Variants in FNIP1 observed in about 807,000 individuals in gnomAD.
FNIP1 encodes folliculin interacting protein 1.
FNIP1 carries 40 observed loss-of-function variants against 124.5 expected under a neutral mutation model. The observed-to-expected ratio is 0.32, with a 90% confidence interval of 0.25 to 0.42. The LOEUF is 0.42. Ranked by LOEUF, FNIP1 falls within the 10% of genes least tolerant of loss-of-function variation. The pLI, the probability that FNIP1 is intolerant of heterozygous loss-of-function variation, is 1.00. For synonymous variants in FNIP1, 472 were observed against 470.6 expected (o/e 1.00, Z -0.04); for missense variants, 1,176 against 1,403.7 (o/e 0.84, Z 2.59).
chr5:131,739,259 A>G (rs1279284640), intron 2 of FNIP1, among the ~76,000 whole-genome samples: 1 of 152,174 alleles, frequency 6.6e-6, no homozygotes, highest in Non-Finnish European at 1.5e-5. Flanking sequence ...AATCCAAATT[A>G]AGGCTGGGCA....
intron 15 of FNIP1, among the ~76,000 whole-genome samples, chr5:131,670,007 G>T (rs1480391951): frequency 1.3e-5 from 2 of 151,494 alleles, no homozygotes; most frequent in Non-Finnish European, 2.9e-5. Flanking sequence ...CTGATAACAT[G>T]AGCCTGTGTG....
rs200251861 is a variant in FNIP1 at position 131,730,968 on chromosome 5, G to T, written c.290C>A (p.Ser97Tyr). 9.3e-6 allele frequency: 15 copies of T among 1,612,368 alleles called. No individual in the cohort carries two copies. The highest frequency in any genetic ancestry group is 1.7e-6 in the Non-Finnish European group (2 of 1,178,746). ...CCQLKPGGDS[S>Y]SSLDSSVTSS... ...AGTCACAGAACTATCTAAAGAGGAA[G>T]AACTGTCTCCTCCAGGTTTCAGTTG... Residue 97 changes from serine to tyrosine, a missense_variant, in exon 3 of 18, where the codon TCT becomes TAT. Ser to Tyr is a moderately radical substitution (Grantham distance 144). Coordinates refer to ENST00000510461, the MANE Select transcript of FNIP1 (RefSeq NM_133372.3).
chr5:131,672,037 C>T lies in FNIP1; in HGVS notation c.2407G>A (p.Asp803Asn), dbSNP rs74914908. 4.3e-6 allele frequency: 7 copies of T among 1,614,130 alleles called. 2 individuals carry two copies. The South Asian group carries it at 7.7e-5, about 18-fold the overall frequency. The stretch of plus-strand genomic sequence containing the variant: ...TGTGTATCAGACTCTCCAGATTGGT[C>T]CTTGGTTGTTTGTTTAGTTTCTTGA... The part of the protein sequence containing the change: ...QHQETKQTTK[D>N]QSGESDTQNM... Residue 803 changes from aspartate (D) to asparagine (N), a missense_variant, in exon 14 of 18, where the codon GAC becomes AAC. Physicochemically the swap from Asp to Asn is conservative, Grantham distance 23. This residue lies in a region of FNIP1 where 1,109 missense variants were observed against 1,288.5 expected (regional missense o/e 0.86). Transcript: ENST00000510461.
chr5:131,763,471 T>G (rs1024119740), intron 1 of FNIP1, among the ~76,000 whole-genome samples: 5 of 152,196 alleles, frequency 3.3e-5, no homozygotes, highest in African/African-American at 1.2e-4. Flanking sequence ...ACAGGAAGCA[T>G]GATACTGGCA....
intron 1 of FNIP1, among the ~76,000 whole-genome samples, chr5:131,775,826 C>T (rs1231278413): frequency 6.6e-6 from 1 of 152,068 alleles, no homozygotes; most frequent in Non-Finnish European, 1.5e-5. Context: ...CCTTGCCCAG[C>T]CCTGTAGAGT....
chr5:131,660,551 G>A lies in FNIP1; in HGVS notation c.3109-8552C>T, dbSNP rs559829380. Among the ~76,000 whole-genome samples the A allele has an allele frequency of 5.9e-4, 90 of 152,204 alleles. 1 individual carries two copies. The highest frequency in any genetic ancestry group is 5.9e-3 in the Admixed American group (90 of 15,288). On this transcript the variant is annotated intron_variant, in intron 15 of 17. Coordinates refer to ENST00000510461, the MANE Select transcript of FNIP1 (RefSeq NM_133372.3). ...CCCAACAAATCAGCCGTAAGCACCT[G>A]TTACCTGGCCACCGCACCCCTTTCC...
At chr5:131,757,621 C>T (rs1239998224) in intron 1 of FNIP1, among the ~76,000 whole-genome samples, 5 of 147,388 alleles carry the variant, frequency 3.4e-5, no homozygotes, top group Non-Finnish European at 5.9e-5. Flanking sequence ...GGAAGAATTA[C>T]GGCCTCTGAA....
intron 1 of FNIP1, among the ~76,000 whole-genome samples, chr5:131,753,896 C>G (rs573762999): frequency 6.6e-6 from 1 of 152,134 alleles, no homozygotes; most frequent in African/African-American, 2.4e-5. Context: ...TCACTGAAAC[C>G]TCCACCTCCC....
At position 131,670,587 on chromosome 5, in the gene FNIP1, T is replaced by C; in HGVS notation, c.2984A>G (p.Asn995Ser). ...GCCACCCAGCAAGGACCTCCCGAAGTTGGCAATGTTGGGCTGAACAGCACT... is the reference window on the plus strand; with the variant it reads ...GCCACCCAGCAAGGACCTCCCGAAGCTGGCAATGTTGGGCTGAACAGCACT... The part of the protein sequence containing the change: ...EVSAVQPNIA[N>S]FGRSLLGGYC... Residue 995 changes from asparagine (N) to serine (S), a missense_variant, in exon 15 of 18, where the codon AAC becomes AGC. Physicochemically the swap from Asn to Ser is conservative, Grantham distance 46. This residue lies in a region of FNIP1 where 1,109 missense variants were observed against 1,288.5 expected (regional missense o/e 0.86). Coordinates refer to ENST00000510461, the MANE Select transcript of FNIP1 (RefSeq NM_133372.3). 1 of 1,613,660 alleles carries C rather than the reference T, an allele frequency of 6.2e-7. No homozygotes were observed. Among genetic ancestry groups the C allele is most frequent in the African/African-American group, 1.3e-5 (1 of 74,942 alleles).
At chr5:131,749,199 A>G (rs1195932821) in intron 1 of FNIP1, among the ~76,000 whole-genome samples, 1 of 152,128 alleles carries the variant, frequency 6.6e-6, no homozygotes, top group African/African-American at 2.4e-5. Flanking sequence ...TTGAAGAAAA[A>G]CATTTTTAAT....
Position 131,709,186 on chromosome 5 carries a change from A to AG in FNIP1, c.778+14dup. The AG allele has an allele frequency of 6.2e-7, 1 of 1,609,354 alleles. No individual in the cohort carries two copies. Among genetic ancestry groups the AG allele is most frequent in the Non-Finnish European group, 8.5e-7 (1 of 1,176,516 alleles). ...GTAATCTCATAAAAAACTGAATACAAGAACGTGACATTACCAGACCGTGCT... is the reference window on the plus strand; with the variant it reads ...GTAATCTCATAAAAAACTGAATACAAGGAACGTGACATTACCAGACCGTGCT... On this transcript the variant is annotated intron_variant, in intron 8 of 17. Coordinates refer to ENST00000510461, the MANE Select transcript of FNIP1 (RefSeq NM_133372.3).
chr5:131,668,296 C>T (rs1227049613), intron 15 of FNIP1, among the ~76,000 whole-genome samples: 1 of 152,206 alleles, frequency 6.6e-6, no homozygotes, highest in African/African-American at 2.4e-5. Context: ...GTAAATTAAA[C>T]AGCATACTTC....
intron 1 of FNIP1, among the ~76,000 whole-genome samples, chr5:131,760,897 A>AGAGGGAGG (rs1175009840): frequency 7.5e-6 from 1 of 133,588 alleles, no homozygotes; most frequent in Non-Finnish European, 1.6e-5. Flanking sequence ...AAGGAAGGAA[A>AGAGGGAGG]GAGGGAGGGA....
rs549053044 is a variant in FNIP1, at chr5:131,651,935, G to A, written c.3173C>T (p.Thr1058Ile). Residue 1058 changes from threonine (T) to isoleucine (I), a missense_variant, in exon 16 of 18, where the codon ACT (threonine) becomes ATT (isoleucine). Physicochemically the swap from Thr to Ile is moderately conservative, Grantham distance 89. Around this residue, in one of 2 missense-constraint regions of FNIP1, gnomAD observed 1,109 missense variants for 1,288.5 expected, o/e 0.86. Transcript: ENST00000510461. ...TCTCTGGCTACTGGCCACTTGAACA[G>A]TCCATTTATCCATGTCAGCTATAAT... is the stretch of plus-strand genomic sequence containing the variant. ...VCIIADMDKW[T>I]VQVASSQRRV... 2 of 1,614,096 alleles carry A rather than the reference G, an allele frequency of 1.2e-6. No homozygotes were observed. Among genetic ancestry groups the A allele is most frequent in the East Asian group, 2.2e-5 (1 of 44,870 alleles).
intron 1 of FNIP1, among the ~76,000 whole-genome samples, chr5:131,745,775 A>C (rs889919329): frequency 1.3e-5 from 2 of 152,092 alleles, no homozygotes; most frequent in African/African-American, 4.8e-5. Context: ...ACAATGACTC[A>C]CACACACACA....
intron 1 of FNIP1, among the ~76,000 whole-genome samples, chr5:131,756,373 A>T (rs953553456): frequency 2.0e-5 from 3 of 152,206 alleles, no homozygotes; most frequent in Non-Finnish European, 4.4e-5. Context: ...ATGGTCACTC[A>T]GGTAGAAGAA....
intron 1 of FNIP1, among the ~76,000 whole-genome samples, chr5:131,757,081 T>C (rs755407365): frequency 1.1e-4 from 16 of 152,070 alleles, no homozygotes; most frequent in Non-Finnish European, 2.2e-4. Context: ...GCTGAGGAAA[T>C]GTGGCCAGAA....
intron 11 of FNIP1, among the ~76,000 whole-genome samples, chr5:131,693,759 T>C (rs561794202): frequency 4.6e-5 from 7 of 151,938 alleles, no homozygotes; most frequent in Non-Finnish European, 1.0e-4. Context: ...CTCTGCTCTG[T>C]GAAAGACACT....
At chr5:131,700,723 A>C (rs1437049959) in intron 10 of FNIP1, among the ~76,000 whole-genome samples, 1 of 151,896 alleles carries the variant, frequency 6.6e-6, no homozygotes, top group Non-Finnish European at 1.5e-5. Flanking sequence ...CAGAAACAAA[A>C]TCCATAGCTT....
Sources: gnomAD v4.1 joint callset for allele counts (sites outside exome capture counted in the v4.1 genomes callset) on GRCh38, gnomAD v4.1.1 for gene constraint, gnomAD v4.1.1 regional missense constraint, MANE v1.5 for transcripts, NCBI Gene and HGNC (gene_info 2026-07-23, HGNC 2026-07-21) for gene names.